Variants in PDE9A observed in about 807,000 individuals in gnomAD.
PDE9A encodes phosphodiesterase 9A.
A neutral mutation model predicts 87.4 loss-of-function variants in PDE9A; 60 were observed. The observed-to-expected ratio is 0.69, with a 90% CI of 0.56 to 0.85. The LOEUF is 0.85. PDE9A is among the 40% of genes least tolerant of loss of function. PDE9A has a pLI of 0.00. For synonymous variants in PDE9A, 272 were observed against 279.4 expected (o/e 0.97, Z 0.27); for missense variants, 665 against 779.0 (o/e 0.85, Z 1.74).
rs2057423930 is a variant in PDE9A, at chr21:42,660,773, C to A, written c.69+6890C>A. 1.3e-5 allele frequency among the ~76,000 whole-genome samples: 2 copies of A among 152,132 alleles called. No individual in the cohort carries two copies. Among genetic ancestry groups the A allele is most frequent in the African/African-American group, 4.8e-5 (2 of 41,418 alleles). On this transcript the variant is annotated intron_variant, in intron 1 of 19. Coordinates refer to ENST00000291539, the MANE Select transcript of PDE9A (RefSeq NM_002606.3). This position sits in a 1 kb window ranked among gnomAD's most constrained non-coding sequence, Gnocchi z 4.7. ...CACCAGGGACGCCCAGTGCACTCAG[C>A]CACCCAGGGGTGGCTCCCAACATTT...
intron 10 of PDE9A, 54 bp from the exon 11 acceptor site, chr21:42,758,945 C>A: frequency 7.2e-7 from 1 of 1,388,078 alleles, no homozygotes; most frequent in Non-Finnish European, 1.0e-6. Context: ...AAGCCAGGGG[C>A]TGGGGAGCCG....
intron 8 of PDE9A, among the ~76,000 whole-genome samples, chr21:42,748,719 G>A (rs772677194): frequency 8.5e-5 from 13 of 152,070 alleles, no homozygotes; most frequent in Non-Finnish European, 1.3e-4. Context: ...TAAAACATGC[G>A]TTGTGTAGTC....
intron 1 of PDE9A, among the ~76,000 whole-genome samples, chr21:42,669,442 T>G (rs1023953205): frequency 2.3e-4 from 35 of 152,220 alleles, no homozygotes; most frequent in African/African-American, 6.0e-4. Context: ...CATGCCATGT[T>G]AGGCAAACGT....
chr21:42,714,212 T>C (rs1210846022), intron 4 of PDE9A, among the ~76,000 whole-genome samples: 1 of 151,782 alleles, frequency 6.6e-6, no homozygotes, highest in African/African-American at 2.4e-5. Context: ...AGAGATGGGG[T>C]TTCACTGCAT....
chr21:42,697,548 T>C, intron 3 of PDE9A: 1 of 1,036,988 alleles, frequency 9.6e-7, no homozygotes, highest in Middle Eastern at 2.0e-4. Context: ...CTGCAGTGTC[T>C]CAGTCTGTCT....
chr21:42,772,663 C>T (rs1013769049), intron 19 of PDE9A, 143 bp downstream of exon 19: 4 of 617,088 alleles, frequency 6.5e-6, no homozygotes, highest in African/African-American at 5.6e-5. Context: ...AACTAAGTCT[C>T]GCTCTTGTTG....
intron 2 of PDE9A, among the ~76,000 whole-genome samples, chr21:42,687,115 T>G (rs954752021): frequency 1.3e-5 from 2 of 152,182 alleles, no homozygotes; most frequent in East Asian, 3.8e-4. Context: ...ACTTTCCAAA[T>G]GTAAAGGGTG....
chr21:42,681,733 G>C (rs373492958), intron 1 of PDE9A, among the ~76,000 whole-genome samples: 10 of 152,280 alleles, frequency 6.6e-5, no homozygotes, highest in Non-Finnish European at 1.0e-4. Context: ...GTGCATTCTC[G>C]TAAGCTCCAG....
intron 19 of PDE9A, among the ~76,000 whole-genome samples, chr21:42,774,893 A>AAC (rs956809921): frequency 1.3e-5 from 2 of 151,262 alleles, no homozygotes; most frequent in Admixed American, 1.3e-4. Context: ...AAAAAAAAAA[A>AAC]AAAAGTCTGT....
chr21:42,713,887 AC>A (rs1306866466), intron 4 of PDE9A, among the ~76,000 whole-genome samples: 2 of 146,418 alleles, frequency 1.4e-5, no homozygotes, highest in East Asian at 2.0e-4. Context: ...ATTTGTTAAA[AC>A]TTTTTTTTTA....
At chr21:42,686,485 G>A (rs998796860) in intron 2 of PDE9A, among the ~76,000 whole-genome samples, 5 of 152,252 alleles carry the variant, frequency 3.3e-5, no homozygotes, top group South Asian at 4.1e-4. Context: ...GGAGGAAACC[G>A]TCGGGCTGAA....
intron 1 of PDE9A, among the ~76,000 whole-genome samples, chr21:42,673,101 C>T (rs1265123787): frequency 1.3e-5 from 2 of 152,192 alleles, no homozygotes; most frequent in Non-Finnish European, 2.9e-5. Flanking sequence ...CATGACGAAT[C>T]CTCCTAACAT....
chr21:42,693,171 G>T (rs1286910966), intron 3 of PDE9A, among the ~76,000 whole-genome samples: 1 of 152,208 alleles, frequency 6.6e-6, no homozygotes, highest in Non-Finnish European at 1.5e-5. Flanking sequence ...CGAGACGCAT[G>T]CCCGTCAATT....
rs547439936 is a variant in PDE9A at position 42,723,042 on chromosome 21, G to A, written c.263-8728G>A. ...GACACCCGTGAACACGGAGGCAGCCGTGTGAACACCATGAGGCAGGGTGTC... is the reference window on the plus strand; with the variant it reads ...GACACCCGTGAACACGGAGGCAGCCATGTGAACACCATGAGGCAGGGTGTC... On this transcript the variant is annotated intron_variant, in intron 4 of 19. Transcript: ENST00000291539. The surrounding 1 kb of genome is among the most constrained non-coding windows in gnomAD (Gnocchi z 4.3). 2.6e-5 allele frequency among the ~76,000 whole-genome samples: 4 copies of A among 152,350 alleles called. No homozygotes were observed. Among genetic ancestry groups the A allele is most frequent in the Admixed American group, 1.3e-4 (2 of 15,308 alleles).
At chr21:42,731,680 T>C in intron 4 of PDE9A, 90 bp from the exon 5 acceptor site, 2 of 1,315,346 alleles carry the variant, frequency 1.5e-6, no homozygotes, top group Non-Finnish European at 2.1e-6. Context: ...TGCACTCACT[T>C]TGTCCCAGTA....
At chr21:42,750,352 CCACACTTCAAAA>C (rs2054284636) in intron 8 of PDE9A, among the ~76,000 whole-genome samples, 1 of 152,120 alleles carries the variant, frequency 6.6e-6, no homozygotes, top group African/African-American at 2.4e-5. Flanking sequence ...CCATGTGTGT[CCACACTTCAAAA>C]CATTCTGGAA....
chr21:42,713,220 C>T (rs1453034079), intron 4 of PDE9A, among the ~76,000 whole-genome samples: 1 of 152,180 alleles, frequency 6.6e-6, no homozygotes, highest in Non-Finnish European at 1.5e-5. Context: ...CTGCAACCTC[C>T]GCCTCCAGGC....
chr21:42,700,479 G>A (rs1327420017), intron 4 of PDE9A, among the ~76,000 whole-genome samples: 1 of 152,182 alleles, frequency 6.6e-6, no homozygotes, highest in Non-Finnish European at 1.5e-5. Flanking sequence ...GTGTTCCCCA[G>A]TCTGGGTTTG....
intron 8 of PDE9A, among the ~76,000 whole-genome samples, chr21:42,748,061 G>C (rs1304664835): frequency 6.6e-6 from 1 of 152,206 alleles, no homozygotes; most frequent in Non-Finnish European, 1.5e-5. Flanking sequence ...TATCTGCAAG[G>C]AAACAGCGGG....
Sources: allele counts gnomAD v4.1 joint callset (sites outside exome capture counted in the v4.1 genomes callset), GRCh38; gene constraint gnomAD v4.1.1; non-coding constraint Gnocchi (gnomAD v3.1); transcripts MANE v1.5; gene names NCBI Gene and HGNC (gene_info 2026-07-23, HGNC 2026-07-21).